The following ECT2L variants were observed in gnomAD, a reference collection of about 807,000 sequenced individuals.
ECT2L encodes epithelial cell transforming 2 like, also known as epithelial cell-transforming sequence 2 oncogene-like.
ECT2L carries 126 observed loss-of-function variants against 122.8 expected under a neutral mutation model. That is an observed-to-expected ratio of 1.03 (90% confidence interval 0.89 to 1.19). The LOEUF (loss-of-function observed/expected upper bound fraction) is 1.19. Ranked by LOEUF, ECT2L falls within the 50% of genes most tolerant of loss-of-function variation. ECT2L has a pLI of 0.00. For missense variants in ECT2L, 1,012 were observed against 1,064.1 expected (o/e 0.95, Z 0.68); for synonymous variants, 385 against 381.8 (o/e 1.01, Z -0.10).
rs78013625 is a variant in ECT2L, at chr6:138,894,627, G to T, written c.2414+5596G>T. On this transcript the variant is annotated intron_variant, in intron 20 of 21. Coordinates refer to ENST00000541398, the MANE Select transcript of ECT2L (RefSeq NM_001077706.3). ...CCATCCATGCTTGCCTAGGGCAATTGTTCCTGGGCTGCCTCACCCATTATC... is the reference window on the plus strand; with the variant it reads ...CCATCCATGCTTGCCTAGGGCAATTTTTCCTGGGCTGCCTCACCCATTATC... Among the ~76,000 whole-genome samples the T allele has an allele frequency of 2.6e-5, 4 of 152,320 alleles. No homozygotes were observed. In the East Asian group the frequency reaches 7.7e-4, roughly 29 times the overall value.
chr6:138,881,962 T>G (rs1778660323), intron 15 of ECT2L, among the ~76,000 whole-genome samples: 1 of 152,060 alleles, frequency 6.6e-6, no homozygotes, highest in Non-Finnish European at 1.5e-5. Context: ...ATGCAAAAGC[T>G]AGCAGGAAGG....
In ECT2L at chr6:138,889,004, G is replaced by C; in HGVS notation, c.2387G>C (p.Cys796Ser). Residue 796 changes from cysteine to serine, a missense_variant, in exon 20 of 22, where the codon TGT (cysteine) becomes TCT (serine). By Grantham distance (112) the Cys-to-Ser change is moderately radical (BLOSUM62 -1). Transcript: ENST00000541398. ...RVQDVAQLHC[C>S]DEEISFSLRL... The stretch of plus-strand genomic sequence containing the variant: ...CAAGATGTAGCCCAACTTCATTGCT[G>C]TGATGAAGAAATAAGTTTCTCTTTA... 1 of 1,550,406 alleles carries C rather than the reference G, an allele frequency of 6.4e-7. No homozygotes were observed. The highest frequency in any genetic ancestry group is 1.2e-5 in the South Asian group (1 of 80,266).
At chr6:138,858,355 T>C (rs537537258) in intron 10 of ECT2L, among the ~76,000 whole-genome samples, 3 of 152,132 alleles carry the variant, frequency 2.0e-5, no homozygotes, top group Admixed American at 6.5e-5. Context: ...CCCAGATTCC[T>C]CAGTAAAAAT....
At chr6:138,822,554 C>CATAAATAAATAA (rs200704042) in intron 4 of ECT2L, among the ~76,000 whole-genome samples, 21 of 151,678 alleles carry the variant, frequency 1.4e-4, no homozygotes, top group East Asian at 9.7e-4. Context: ...GAGACCCTGT[C>CATAAATAAATAA]ATAAATAAAT....
chr6:138,860,196 T>C (rs921829485), intron 10 of ECT2L, among the ~76,000 whole-genome samples: 8 of 152,226 alleles, frequency 5.3e-5, no homozygotes, highest in African/African-American at 1.9e-4. Flanking sequence ...TTTGGCATCA[T>C]ATCTAAAAAC....
chr6:138,809,865 G>A (rs1775833644), intron 1 of ECT2L, among the ~76,000 whole-genome samples: 1 of 152,128 alleles, frequency 6.6e-6, no homozygotes, highest in Non-Finnish European at 1.5e-5. Context: ...GGAGTAGGAT[G>A]TTTCCATAAC....
chr6:138,839,390 G>C (rs968405325), intron 5 of ECT2L, among the ~76,000 whole-genome samples: 2 of 148,284 alleles, frequency 1.3e-5, no homozygotes, highest in African/African-American at 2.5e-5. Flanking sequence ...CCTGAGACAG[G>C]ATCTCATTCT....
intron 19 of ECT2L, 109 bp downstream of exon 19, chr6:138,887,031 T>G (rs1582660498): frequency 2.3e-6 from 2 of 873,210 alleles, no homozygotes; most frequent in East Asian, 5.3e-5. Context: ...GTGGAATGCC[T>G]GCTACGTGCC....
chr6:138,841,188 G>C (rs2128388360), intron 5 of ECT2L, among the ~76,000 whole-genome samples: 1 of 152,220 alleles, frequency 6.6e-6, no homozygotes, highest in African/African-American at 2.4e-5. Flanking sequence ...CAAAGTTCAT[G>C]TCTGATGATT....
At chr6:138,816,354 G>A (rs4896405) in intron 4 of ECT2L, among the ~76,000 whole-genome samples, 109,589 of 152,108 alleles carry the variant, frequency 0.72, 39,705 homozygotes, top group East Asian at 0.89. Context: ...TGTGAGACAA[G>A]AATATAAAAC....
At chr6:138,822,693 C>G in intron 4 of ECT2L, 5 of 1,489,308 alleles carry the variant, frequency 3.4e-6, no homozygotes, top group East Asian at 2.4e-5. Context: ...CAGCTCCCAG[C>G]GTGAGCGACG....
At chr6:138,812,183 C>T (rs1464302382) in intron 1 of ECT2L, among the ~76,000 whole-genome samples, 1 of 152,164 alleles carries the variant, frequency 6.6e-6, no homozygotes, top group East Asian at 1.9e-4. Flanking sequence ...GAAGCCTCCT[C>T]AAACCAATGC....
intron 4 of ECT2L, among the ~76,000 whole-genome samples, chr6:138,829,760 T>C (rs909423236): frequency 2.6e-5 from 4 of 152,178 alleles, no homozygotes; most frequent in Middle Eastern, 3.4e-3. Flanking sequence ...TCTCACTCTG[T>C]TTCCCAGGCT....
At chr6:138,832,814 A>G (rs1776698449) in intron 4 of ECT2L, among the ~76,000 whole-genome samples, 1 of 151,964 alleles carries the variant, frequency 6.6e-6, no homozygotes, top group African/African-American at 2.4e-5. Flanking sequence ...TGAAGAGATT[A>G]TGCTTCATAA....
chr6:138,812,016 T>C (rs1407696924), intron 1 of ECT2L, among the ~76,000 whole-genome samples: 1 of 151,912 alleles, frequency 6.6e-6, no homozygotes, highest in African/African-American at 2.4e-5. Flanking sequence ...ACCACTGCAC[T>C]CCAGGCTGAA....
intron 19 of ECT2L, among the ~76,000 whole-genome samples, chr6:138,888,322 T>C (rs188739550): frequency 6.7e-5 from 10 of 148,958 alleles, no homozygotes; most frequent in Admixed American, 4.0e-4. Flanking sequence ...CTTTTCTTTT[T>C]TTTTTTTTTT....
intron 19 of ECT2L, among the ~76,000 whole-genome samples, chr6:138,888,317 CTTTTTTTTT>C (rs71270363): frequency 7.8e-6 from 1 of 128,644 alleles, no homozygotes; most frequent in Non-Finnish European, 1.6e-5. Context: ...TTTTTCTTTT[CTTTTTTTTT>C]TTTTTTTTGA....
At chr6:138,868,820 G>A (rs1778142016) in intron 13 of ECT2L, among the ~76,000 whole-genome samples, 1 of 152,178 alleles carries the variant, frequency 6.6e-6, no homozygotes, top group South Asian at 2.1e-4. Context: ...AGTGAGGAGA[G>A]GCCAGTCTCC....
intron 13 of ECT2L, among the ~76,000 whole-genome samples, chr6:138,869,618 T>C (rs1778175636): frequency 6.6e-6 from 1 of 152,210 alleles, no homozygotes; most frequent in African/African-American, 2.4e-5. Flanking sequence ...CCTCACTGTC[T>C]GCCAAAACAC....
Sources: gnomAD v4.1 joint callset for allele counts (sites outside exome capture counted in the v4.1 genomes callset) on GRCh38, gnomAD v4.1.1 for gene constraint, MANE v1.5 for transcripts, NCBI Gene and HGNC (gene_info 2026-07-23, HGNC 2026-07-21) for gene names.